Variants in C22orf23 observed in about 807,000 individuals in gnomAD.
The protein encoded by C22orf23 is UPF0193 protein EVG1.
A neutral mutation model predicts 29.7 loss-of-function variants in C22orf23; 30 were observed. The ratio of observed to expected loss-of-function variants is 1.01; its 90% confidence interval spans 0.76 to 1.37. The LOEUF is 1.37. C22orf23 is among the 40% of genes most tolerant of loss of function. C22orf23 has a pLI of 0.00. For missense variants in C22orf23, 237 were observed against 273.1 expected, an observed-to-expected ratio of 0.87 and a Z score of 0.93; for synonymous variants, 90 against 96.1, an observed-to-expected ratio of 0.94 and a Z score of 0.37.
chr22:37,953,607 C>T (rs1931212184), upstream of C22orf23: 1 of 687,232 alleles, frequency 1.5e-6, no homozygotes, highest in Non-Finnish European at 2.4e-6. Context: ...ACTATAGAAA[C>T]GCGCACACAC....
chr22:37,945,730 C>A (rs1316044772), intron 4 of C22orf23, among the ~76,000 whole-genome samples: 1 of 146,192 alleles, frequency 6.8e-6, no homozygotes, highest in Non-Finnish European at 1.5e-5. Flanking sequence ...CACATGAGCT[C>A]AAACGATCTG....
chr22:37,951,072 CGTG>C (rs1228367366), intron 3 of C22orf23: 1 of 166,448 alleles, frequency 6.0e-6, no homozygotes, highest in Non-Finnish European at 1.3e-5. Flanking sequence ...ATTAGCCAGG[CGTG>C]GTGGTGGGCA....
chr22:37,947,462 T>G lies in C22orf23; in HGVS notation c.168A>C (p.Arg56Ser). The G allele has an allele frequency of 6.9e-7, 1 of 1,451,970 alleles. No homozygotes were observed. Among genetic ancestry groups the G allele is most frequent in the Non-Finnish European group, 9.2e-7 (1 of 1,085,688 alleles). The allele number at this position is 1,451,970 out of a possible 1,614,324, so 89.9% of individuals were successfully genotyped here. A position where few individuals can be genotyped will look rare whatever the true frequency, so the allele number is the denominator to read the frequency against. Residue 56 changes from arginine (R) to serine (S), a missense_variant and splice_region_variant, in exon 4 of 7, where the codon AGA becomes AGC. Arg to Ser is a moderately radical substitution (Grantham distance 110). Transcript: ENST00000403305. ...TGCACTGTAGGGGCAAAGCATCTCC[T>G]CCTGGGGAACGAAGAGTTGGGGTGG... ...QQRHIMDIMK[R>S]GDALPLQCSP... is the part of the protein sequence containing the mutation.
chr22:37,949,831 G>C (rs370381342), intron 3 of C22orf23, among the ~76,000 whole-genome samples: 26 of 152,108 alleles, frequency 1.7e-4, no homozygotes, highest in African/African-American at 6.3e-4. Context: ...AATTCCCCAG[G>C]AGCGAGCGGT....
intron 2 of C22orf23, 107 bp from the exon 3 acceptor site, chr22:37,951,629 A>C: frequency 1.2e-6 from 1 of 835,906 alleles, no homozygotes; most frequent in Middle Eastern, 3.0e-4. Flanking sequence ...TTCTGCACTG[A>C]GCATGCCTTC....
intron 3 of C22orf23, among the ~76,000 whole-genome samples, chr22:37,948,275 C>T (rs550329932): frequency 6.6e-6 from 1 of 152,128 alleles, no homozygotes; most frequent in Non-Finnish European, 1.5e-5. Context: ...TGGTGAAACC[C>T]CATGTCTAAA....
intron 3 of C22orf23, among the ~76,000 whole-genome samples, chr22:37,949,326 C>T (rs1240129971): frequency 3.3e-5 from 5 of 151,214 alleles, no homozygotes; most frequent in Admixed American, 6.6e-5. Flanking sequence ...CTCTGTTGCC[C>T]AGGCTGGAGT....
chr22:37,947,181 A>G, intron 4 of C22orf23, 100 bp downstream of exon 4: 11 of 1,278,740 alleles, frequency 8.6e-6, no homozygotes, highest in Non-Finnish European at 1.2e-5. Flanking sequence ...TGGGGATTTG[A>G]TTAGCTACCT....
At position 37,943,934 on chromosome 22, in the gene C22orf23, T is replaced by C; in HGVS notation, c.*241A>G. On this transcript the variant is annotated 3_prime_UTR_variant, in exon 7 of 7. Transcript: ENST00000403305. ...GGATACCTTTAGACACATGTCCTAGTAGGGATGCTCGGGCTTTGCTTCTCT... is the reference window on the plus strand; with the variant it reads ...GGATACCTTTAGACACATGTCCTAGCAGGGATGCTCGGGCTTTGCTTCTCT... 1 of 587,970 alleles carries C rather than the reference T, an allele frequency of 1.7e-6. No homozygotes were observed. Among genetic ancestry groups the C allele is most frequent in the East Asian group, 2.9e-5 (1 of 35,046 alleles). The allele number at this position is 587,970 out of a possible 1,614,324, so 36.4% of individuals were successfully genotyped here. A position where few individuals can be genotyped will look rare whatever the true frequency, so the allele number is the denominator to read the frequency against.
At chr22:37,953,257 A>G in intron 1 of C22orf23, 99 bp from the exon 2 acceptor site, 1 of 803,152 alleles carries the variant, frequency 1.2e-6, no homozygotes, top group Non-Finnish European at 2.0e-6. Flanking sequence ...GCGGGGATCG[A>G]GCCAGAGAAT....
intron 5 of C22orf23, 51 bp downstream of exon 5, chr22:37,944,991 C>T (rs111556100): frequency 2.1e-5 from 33 of 1,538,906 alleles, no homozygotes; most frequent in African/African-American, 2.1e-4. Context: ...TTCTGGGCCC[C>T]CTCCTCACAT....
chr22:37,950,439 T>A (rs187950023), intron 3 of C22orf23, among the ~76,000 whole-genome samples: 44 of 152,106 alleles, frequency 2.9e-4, no homozygotes, highest in African/African-American at 4.8e-4. Context: ...AATTTAATTT[T>A]ATTTTATTTT....
At chr22:37,953,244 G>C (rs1931182134) in intron 1 of C22orf23, 86 bp from the exon 2 acceptor site, 1 of 943,114 alleles carries the variant, frequency 1.1e-6, no homozygotes, top group African/African-American at 1.6e-5. Context: ...CAGAAGTCTG[G>C]AAGCGGGGAT....
chr22:37,945,303 C>T (rs1930631249), intron 4 of C22orf23, 130 bp from the exon 5 acceptor site: 1 of 1,112,800 alleles, frequency 9.0e-7, no homozygotes, highest in Non-Finnish European at 1.3e-6. Context: ...ACACCTGCTG[C>T]TACCCTGGGT....
intron 4 of C22orf23, among the ~76,000 whole-genome samples, chr22:37,945,385 T>G (rs1416550987): frequency 6.6e-6 from 1 of 152,042 alleles, no homozygotes; most frequent in Non-Finnish European, 1.5e-5. Flanking sequence ...AGTTTGGGTA[T>G]GGTCTGTAAT....
intron 4 of C22orf23, among the ~76,000 whole-genome samples, chr22:37,946,601 C>G (rs905978935): frequency 4.0e-5 from 6 of 149,610 alleles, no homozygotes; most frequent in Non-Finnish European, 8.9e-5. Flanking sequence ...AAAAAAAGGC[C>G]GGGAGCGGTC....
intron 3 of C22orf23, among the ~76,000 whole-genome samples, chr22:37,950,477 G>A (rs1930948544): frequency 6.6e-6 from 1 of 151,980 alleles, no homozygotes; most frequent in Non-Finnish European, 1.5e-5. Flanking sequence ...GCTCCACTCG[G>A]TCGCCCAGGC....
At chr22:37,944,355 A>C in intron 6 of C22orf23, 62 bp downstream of exon 6, 1 of 1,613,336 alleles carries the variant, frequency 6.2e-7, no homozygotes, top group African/African-American at 1.3e-5. Flanking sequence ...CAGACCCTGT[A>C]TTTCCATTCG....
chr22:37,953,187 C>T (rs1931176436), intron 1 of C22orf23, 29 bp from the exon 2 acceptor site: 1 of 1,455,702 alleles, frequency 6.9e-7, no homozygotes, highest in Non-Finnish European at 9.6e-7. Flanking sequence ...AATGACACAC[C>T]CCCTGTCTCC....
Sources: gnomAD v4.1 joint callset for allele counts (sites outside exome capture counted in the v4.1 genomes callset) on GRCh38, gnomAD v4.1.1 for gene constraint, MANE v1.5 for transcripts, NCBI Gene and HGNC (gene_info 2026-07-23, HGNC 2026-07-21) for gene names.